The following UACA variants were observed in gnomAD, a reference collection of about 807,000 sequenced individuals.
UACA encodes uveal autoantigen with coiled-coil domains and ankyrin repeats.
In UACA, 112 loss-of-function variants were observed where a neutral mutation model predicts 160.5. That is an observed-to-expected ratio of 0.70 (90% CI 0.60 to 0.82). The LOEUF (loss-of-function observed/expected upper bound fraction) is 0.82, where lower values mean the gene tolerates loss of function less well. Among genes scored for constraint, UACA ranks in the 40% least tolerant of loss-of-function variants. The pLI, the probability that UACA is intolerant of heterozygous loss-of-function variation, is 0.00. For missense variants in UACA, 1,574 were observed against 1,614.6 expected, an observed-to-expected ratio of 0.97 and a Z score of 0.43; for synonymous variants, 557 against 568.4, an observed-to-expected ratio of 0.98 and a Z score of 0.29.
Position 70,671,058 on chromosome 15 carries a change from A to G in UACA, c.1202T>C (p.Met401Thr), listed in dbSNP as rs1897122043. ...TATTACCTGTGAGTCTGCCATATACATCTGACCTTGTTTAAGAAGCATATC... is the reference window on the plus strand; with the variant it reads ...TATTACCTGTGAGTCTGCCATATACGTCTGACCTTGTTTAAGAAGCATATC... ...KEDMLLKQGQ[M>T]YMADSQCTSP... The change falls in exon 15 of 19, where the codon ATG (methionine) becomes ACG (threonine). Residue 401 changes from methionine (M) to threonine (T), a missense_variant. Met to Thr is a moderately conservative substitution (Grantham distance 81). Coordinates refer to ENST00000322954, the MANE Select transcript of UACA (RefSeq NM_018003.4). 1 of 1,591,972 alleles carries G rather than the reference A, an allele frequency of 6.3e-7. No individual in the cohort carries two copies. Among genetic ancestry groups the G allele is most frequent in the Non-Finnish European group, 8.6e-7 (1 of 1,169,518 alleles).
intron 1 of UACA, among the ~76,000 whole-genome samples, chr15:70,755,449 C>T (rs958455184): frequency 2.7e-4 from 41 of 151,816 alleles, no homozygotes; most frequent in African/African-American, 9.2e-4. Context: ...GTGGGTGGAT[C>T]GCCCGAGGTC....
chr15:70,722,451 G>T (rs1048502704), intron 1 of UACA, among the ~76,000 whole-genome samples: 7 of 151,822 alleles, frequency 4.6e-5, no homozygotes, highest in Non-Finnish European at 1.0e-4. Flanking sequence ...CTGAGTAGCT[G>T]GGACTACAGA....
chr15:70,660,887 T>G (rs1162795817), intron 17 of UACA: 3 of 152,210 alleles, frequency 2.0e-5, no homozygotes, highest in African/African-American at 7.2e-5. Context: ...TTGTTATTAA[T>G]CTCTTACTGT....
intron 14 of UACA, 68 bp downstream of exon 14, chr15:70,671,897 T>A: frequency 7.4e-7 from 1 of 1,352,820 alleles, no homozygotes; most frequent in South Asian, 1.4e-5. Context: ...GTTAAACAAG[T>A]AAGAATAAAC....
At chr15:70,719,818 G>A (rs1227188300) in intron 1 of UACA, among the ~76,000 whole-genome samples, 2 of 152,062 alleles carry the variant, frequency 1.3e-5, no homozygotes, top group Admixed American at 6.6e-5. Context: ...GTGAATAATC[G>A]AGGAAAATCC....
At chr15:70,718,150 T>G (rs1322755192) in intron 1 of UACA, among the ~76,000 whole-genome samples, 1 of 151,324 alleles carries the variant, frequency 6.6e-6, no homozygotes, top group Admixed American at 6.6e-5. Context: ...TATACTCTGA[T>G]TTTTTGGTAC....
At chr15:70,757,179 C>A (rs996948814) in intron 1 of UACA, among the ~76,000 whole-genome samples, 3 of 152,016 alleles carry the variant, frequency 2.0e-5, no homozygotes, top group Non-Finnish European at 4.4e-5. Context: ...CATAGATTTC[C>A]ACAATCAGAA....
At chr15:70,676,893 G>A (rs1165416708) in intron 12 of UACA, among the ~76,000 whole-genome samples, 1 of 152,102 alleles carries the variant, frequency 6.6e-6, no homozygotes, top group Non-Finnish European at 1.5e-5. Context: ...CAGAAAGTAA[G>A]ACTTTCAGAG....
At chr15:70,747,233 T>C (rs1330664650) in intron 1 of UACA, among the ~76,000 whole-genome samples, 1 of 149,330 alleles carries the variant, frequency 6.7e-6, no homozygotes, top group Non-Finnish European at 1.5e-5. Context: ...ATGGTGTTTG[T>C]TTTTTGGGTT....
chr15:70,712,662 T>C (rs1216363788), intron 1 of UACA, among the ~76,000 whole-genome samples: 3 of 152,194 alleles, frequency 2.0e-5, no homozygotes, highest in Non-Finnish European at 2.9e-5. Context: ...GTTTCTCATT[T>C]TATACATGCA....
chr15:70,726,352 G>A (rs1381370203), intron 1 of UACA, among the ~76,000 whole-genome samples: 3 of 151,938 alleles, frequency 2.0e-5, no homozygotes, highest in Non-Finnish European at 4.4e-5. Context: ...ACTTTTACAA[G>A]ATGTATATCT....
intron 1 of UACA, among the ~76,000 whole-genome samples, chr15:70,720,620 G>C (rs912058952): frequency 6.6e-6 from 1 of 152,204 alleles, no homozygotes; most frequent in South Asian, 2.1e-4. Context: ...AAATCCTAAA[G>C]AGGTTTAGAC....
intron 17 of UACA, among the ~76,000 whole-genome samples, chr15:70,663,018 T>A (rs941907856): frequency 4.6e-5 from 7 of 151,912 alleles, no homozygotes; most frequent in Admixed American, 2.6e-4. Flanking sequence ...AAATGGGATC[T>A]AATTAAACTA....
intron 1 of UACA, among the ~76,000 whole-genome samples, chr15:70,740,838 G>A (rs1030663371): frequency 6.6e-6 from 1 of 151,940 alleles, no homozygotes; most frequent in East Asian, 2.0e-4. Flanking sequence ...TCAGGAGTTT[G>A]AGACCACCTG....
upstream of UACA, chr15:70,768,354 A>T (rs1227343258): frequency 6.6e-6 from 1 of 152,196 alleles, no homozygotes; most frequent in African/African-American, 2.4e-5. Context: ...GTGTGCCATT[A>T]GTTTCGATAC....
In UACA at chr15:70,662,642, T is replaced by A. The variant is rs1404340571; in HGVS notation, c.4113+2020A>T. Reference sequence around the variant, plus strand: ...CAAGGCTACAGTAACCAAAACAGCATGCTACTGGTACCAAAACAGAGATAC... The same window carrying A: ...CAAGGCTACAGTAACCAAAACAGCAAGCTACTGGTACCAAAACAGAGATAC... On this transcript the variant is annotated intron_variant, in intron 17 of 18. Coordinates refer to ENST00000322954, the MANE Select transcript of UACA (RefSeq NM_018003.4). Among the ~76,000 whole-genome samples, 5 of 152,314 alleles carry A rather than the reference T, an allele frequency of 3.3e-5. No individual in the cohort carries two copies. In the East Asian group the frequency reaches 9.6e-4, roughly 29 times the overall value.
chr15:70,692,231 A>G (rs1200414034), intron 3 of UACA, among the ~76,000 whole-genome samples: 3 of 152,136 alleles, frequency 2.0e-5, no homozygotes, highest in African/African-American at 4.8e-5. Context: ...GCAGCCTCAT[A>G]GCTCAGTACA....
At chr15:70,771,858 T>A in the UACA span, among the ~76,000 whole-genome samples, 1 of 152,168 alleles carries the variant, frequency 6.6e-6, no homozygotes, top group Non-Finnish European at 1.5e-5. Context: ...TGGCTTGGCT[T>A]GTTGCAGGAG....
the UACA span, among the ~76,000 whole-genome samples, chr15:70,769,287 C>T: frequency 1.5e-5 from 2 of 133,388 alleles, no homozygotes; most frequent in South Asian, 2.3e-4. Context: ...TGCAGTGAGC[C>T]GAGATGACAC....
Sources: allele counts gnomAD v4.1 joint callset (sites outside exome capture counted in the v4.1 genomes callset), GRCh38; gene constraint gnomAD v4.1.1; transcripts MANE v1.5; gene names NCBI Gene and HGNC (gene_info 2026-07-23, HGNC 2026-07-21).